RAB30: variants seen among roughly 807,000 people sequenced by gnomAD.
The protein encoded by RAB30 is ras-related protein Rab-30.
In RAB30, 9 loss-of-function variants were observed where a neutral mutation model predicts 25.1. The ratio of observed to expected loss-of-function variants is 0.36; its 90% CI spans 0.22 to 0.63. The LOEUF (loss-of-function observed/expected upper bound fraction) is 0.63, where lower values mean the gene tolerates loss of function less well. Among genes scored for constraint, RAB30 ranks in the 20% least tolerant of loss-of-function variants. RAB30 has a pLI of 0.69. For missense variants in RAB30, 140 were observed against 243.5 expected, an observed-to-expected ratio of 0.58 and a Z score of 2.83; for synonymous variants, 77 against 86.4, an observed-to-expected ratio of 0.89 and a Z score of 0.60.
intron 4 of RAB30, 55 bp downstream of exon 4, chr11:82,987,532 T>C: frequency 1.3e-6 from 2 of 1,507,630 alleles, no homozygotes; most frequent in Non-Finnish European, 1.8e-6. Flanking sequence ...TTTATGTGAT[T>C]ATAAATCCTC....
intron 1 of RAB30, among the ~76,000 whole-genome samples, chr11:83,009,769 A>G (rs1857265491): frequency 6.6e-6 from 1 of 152,184 alleles, no homozygotes; most frequent in Non-Finnish European, 1.5e-5. Context: ...AAGAGGCACA[A>G]CTTTCCTCAA....
intron 4 of RAB30, among the ~76,000 whole-genome samples, chr11:82,986,684 T>C (rs1271454481): frequency 6.6e-6 from 1 of 152,250 alleles, no homozygotes; most frequent in African/African-American, 2.4e-5. Context: ...TGATCTTACA[T>C]GCTATGTGAC....
Position 82,974,980 on chromosome 11 carries a change from TGC to T in RAB30, c.*7183_*7184del. ...TTTTTTTTGCTGAAAACAGAAATTT[TGC>T]TCACGAGTTAGTTCAAATACATTTA... On this transcript the variant is annotated 3_prime_UTR_variant, in exon 5 of 5. Transcript: ENST00000527633. 1.3e-5 allele frequency: 2 copies of T among 151,306 alleles called. No homozygotes were observed. Among genetic ancestry groups the T allele is most frequent in the Admixed American group, 1.3e-4 (2 of 15,192 alleles). The allele number at this position is 151,306 out of a possible 1,614,324, so 9.4% of individuals were successfully genotyped here.
At chr11:82,998,511 G>A (rs1002772733) in intron 1 of RAB30, among the ~76,000 whole-genome samples, 1 of 145,250 alleles carries the variant, frequency 6.9e-6, no homozygotes, top group Non-Finnish European at 1.5e-5. Flanking sequence ...TCACACCACC[G>A]CACTCCAGCC....
At chr11:83,037,193 A>T (rs935962205) in intron 1 of RAB30, among the ~76,000 whole-genome samples, 5 of 152,184 alleles carry the variant, frequency 3.3e-5, no homozygotes, top group Non-Finnish European at 4.4e-5. Flanking sequence ...GTGTTTTTTT[A>T]AAAAATAAAT....
At chr11:83,047,164 C>T (rs756484507) in intron 1 of RAB30, among the ~76,000 whole-genome samples, 5 of 152,052 alleles carry the variant, frequency 3.3e-5, no homozygotes, top group Non-Finnish European at 7.3e-5. Flanking sequence ...CCAGTGACTG[C>T]CTAATAAATG....
At chr11:83,029,314 A>G (rs1857797222) in intron 1 of RAB30, among the ~76,000 whole-genome samples, 1 of 152,068 alleles carries the variant, frequency 6.6e-6, no homozygotes, top group Admixed American at 6.6e-5. Context: ...ACCCATTACC[A>G]AAGTTCAACA....
chr11:83,011,391 G>A (rs1437765381), intron 1 of RAB30, among the ~76,000 whole-genome samples: 1 of 151,566 alleles, frequency 6.6e-6, no homozygotes, highest in African/African-American at 2.4e-5. Flanking sequence ...TAACATAATG[G>A]TGGCTATCAA....
At chr11:83,032,685 A>G (rs1014114042) in intron 1 of RAB30, among the ~76,000 whole-genome samples, 3 of 152,168 alleles carry the variant, frequency 2.0e-5, no homozygotes, top group African/African-American at 7.2e-5. Context: ...ATTCTTTCAT[A>G]TGCATTGTAT....
At position 83,017,963 on chromosome 11, in the gene RAB30, C is replaced by T. The variant is rs149877593; in HGVS notation, c.-8-20639G>A. On this transcript the variant is annotated intron_variant, in intron 1 of 4. Transcript: ENST00000527633. Reference sequence around the variant, plus strand: ...TTTAAGGAATCTCTGTACAGTTTTCCATAGTGGTTGTACTAGTTTACATTC... The same window carrying T: ...TTTAAGGAATCTCTGTACAGTTTTCTATAGTGGTTGTACTAGTTTACATTC... Among the ~76,000 whole-genome samples, 586 of 152,278 alleles carry T rather than the reference C, an allele frequency of 3.8e-3. 4 individuals carry two copies. The highest frequency in any genetic ancestry group is 0.013 in the African/African-American group (560 of 41,556).
chr11:83,019,012 A>G (rs1227725503), intron 1 of RAB30, among the ~76,000 whole-genome samples: 1 of 151,994 alleles, frequency 6.6e-6, no homozygotes, highest in East Asian at 1.9e-4. Flanking sequence ...GAGTGTAAAA[A>G]GTTTTTTTGT....
intron 1 of RAB30, among the ~76,000 whole-genome samples, chr11:83,005,461 G>C (rs960269580): frequency 3.0e-4 from 46 of 152,260 alleles, no homozygotes; most frequent in Non-Finnish European, 1.2e-4. Flanking sequence ...AGAAAACTGA[G>C]GTTCAGAGAG....
At chr11:83,013,353 G>A (rs1857346700) in intron 1 of RAB30, among the ~76,000 whole-genome samples, 1 of 152,138 alleles carries the variant, frequency 6.6e-6, no homozygotes, top group African/African-American at 2.4e-5. Flanking sequence ...CCAAAGTGCT[G>A]GGATTACAGG....
At chr11:82,987,905 T>TAAAAAAAAAAAAAAAAAA (rs35726383) in intron 3 of RAB30, 135 bp from the exon 4 acceptor site, 3 of 35,282 alleles carry the variant, frequency 8.5e-5, no homozygotes, top group Non-Finnish European at 9.9e-5. Context: ...TTTTCTGCCC[T>TAAAAAAAAAAAAAAAAAA]AAAAAAAAAA....
chr11:83,062,907 G>A (rs1858614900), intron 1 of RAB30, among the ~76,000 whole-genome samples: 1 of 151,224 alleles, frequency 6.6e-6, no homozygotes, highest in Non-Finnish European at 1.5e-5. Flanking sequence ...GTAGGCTGAG[G>A]CAAGAGAATC....
At chr11:83,061,670 T>C (rs1858581521) in intron 1 of RAB30, among the ~76,000 whole-genome samples, 1 of 151,732 alleles carries the variant, frequency 6.6e-6, no homozygotes, top group Non-Finnish European at 1.5e-5. Flanking sequence ...GTTTTTCGTT[T>C]GTTTTTTGTT....
chr11:82,997,462 T>G, intron 1 of RAB30, 138 bp from the exon 2 acceptor site: 1 of 630,394 alleles, frequency 1.6e-6, no homozygotes, highest in East Asian at 2.8e-5. Flanking sequence ...CCGGTGACCC[T>G]GCCAGCTAGA....
intron 1 of RAB30, among the ~76,000 whole-genome samples, chr11:83,041,818 T>C (rs1489675931): frequency 6.6e-6 from 1 of 152,086 alleles, no homozygotes; most frequent in East Asian, 1.9e-4. Flanking sequence ...GCTGGGTAGA[T>C]TTCACTTGAG....
At chr11:82,987,236 T>C (rs1251765407) in intron 4 of RAB30, 1 of 161,514 alleles carries the variant, frequency 6.2e-6, no homozygotes, top group Admixed American at 6.4e-5. Flanking sequence ...GCTTCAATAA[T>C]GAATTCCATA....
Sources: allele counts gnomAD v4.1 joint callset (sites outside exome capture counted in the v4.1 genomes callset), GRCh38; gene constraint gnomAD v4.1.1; transcripts MANE v1.5; gene names NCBI Gene and HGNC (gene_info 2026-07-23, HGNC 2026-07-21).